Variants in KCTD7 observed in about 807,000 individuals in gnomAD.
KCTD7 encodes BTB/POZ domain-containing protein KCTD7.
Under a neutral mutation model 27.0 loss-of-function variants are expected in KCTD7, and 15 were observed. The observed-to-expected ratio is 0.56, with a 90% confidence interval of 0.37 to 0.86. The LOEUF (loss-of-function observed/expected upper bound fraction) is 0.86, where lower values mean the gene tolerates loss of function less well. KCTD7 is among the 40% of genes least tolerant of loss of function. The pLI, the probability that KCTD7 is intolerant of heterozygous loss-of-function variation, is 0.00. For missense variants in KCTD7, 299 were observed against 398.9 expected (o/e 0.75, Z 2.13); for synonymous variants, 159 against 162.7 (o/e 0.98, Z 0.17).
Position 66,640,332 on chromosome 7 carries a change from C to T in KCTD7, c.*1100C>T, listed in dbSNP as rs1786686824. ...TCCTCTATTTTTGTTTTACTCACTT[C>T]TTTATATTTTGTTTTACTCCTCACT... On this transcript the variant is annotated 3_prime_UTR_variant, in exon 4 of 4. Transcript: ENST00000639828. The T allele has an allele frequency of 3.9e-6, 6 of 1,535,752 alleles. No individual in the cohort carries two copies. In the East Asian group the frequency reaches 9.8e-5, roughly 25 times the overall value.
In KCTD7 at chr7:66,639,438, C is replaced by T; in HGVS notation, c.*206C>T. The T allele has an allele frequency of 6.8e-7, 1 of 1,462,620 alleles. No individual in the cohort carries two copies. Among genetic ancestry groups the T allele is most frequent in the Non-Finnish European group, 9.0e-7 (1 of 1,108,778 alleles). The allele number at this position is 1,462,620 out of a possible 1,614,324, so 90.6% of individuals were successfully genotyped here. A position where few individuals can be genotyped will look rare whatever the true frequency, so the allele number is the denominator to read the frequency against. On this transcript the variant is annotated 3_prime_UTR_variant, in exon 4 of 4. Coordinates refer to ENST00000639828, the MANE Select transcript of KCTD7 (RefSeq NM_153033.5). ...GGTTGGGCTCAGGGCTTGCGGCCTG[C>T]AGGCACTCCAGCCAGCGCTCACCTG...
Position 66,628,999 on chromosome 7 carries a change from T to G in KCTD7, c.-66T>G. 6.9e-7 allele frequency: 1 copy of G among 1,441,786 alleles called. No individual in the cohort carries two copies. Among genetic ancestry groups the G allele is most frequent in the Non-Finnish European group, 9.2e-7 (1 of 1,084,746 alleles). 89.3% of individuals were successfully genotyped at this position (1,441,786 alleles called of 1,614,324 possible). A position where few individuals can be genotyped will look rare whatever the true frequency, so the allele number is the denominator to read the frequency against. ...CGTCATGCCAGGCGCTGCTCGGCGG[T>G]AGGGAGTGCCCGGGGCCGCCGCCTC... On this transcript the variant is annotated 5_prime_UTR_variant, in exon 1 of 4. It removes the in-frame stop codon of an upstream open reading frame in the 5' UTR. Coordinates refer to ENST00000639828, the MANE Select transcript of KCTD7 (RefSeq NM_153033.5).
Position 66,639,661 on chromosome 7 carries a change from G to GC in KCTD7, c.*429_*430insC. 7.7e-7 allele frequency: 1 copy of GC among 1,301,118 alleles called. No homozygotes were observed. Among genetic ancestry groups the GC allele is most frequent in the South Asian group, 2.4e-5 (1 of 42,198 alleles). 80.6% of individuals were successfully genotyped at this position (1,301,118 alleles called of 1,614,324 possible). On this transcript the variant is annotated 3_prime_UTR_variant, in exon 4 of 4. Transcript: ENST00000639828. ...TCCCTCCCTTGTGCTCAGTATATTG[G>GC]TGTGAACACGGAACATGATGGGGGA...
intron 1 of KCTD7, among the ~76,000 whole-genome samples, chr7:66,629,689 A>G (rs975206263): frequency 1.3e-5 from 2 of 152,256 alleles, no homozygotes; most frequent in Admixed American, 6.5e-5. Flanking sequence ...TGGAAAAACA[A>G]AGGCATTTTG....
chr7:66,631,978 G>A (rs550919879), intron 1 of KCTD7, among the ~76,000 whole-genome samples: 148 of 152,262 alleles, frequency 9.7e-4, no homozygotes, highest in Middle Eastern at 3.4e-3. Flanking sequence ...ATTGACAGAG[G>A]GAAATAATTG....
chr7:66,631,439 C>T (rs951082821), intron 1 of KCTD7, among the ~76,000 whole-genome samples: 1 of 151,950 alleles, frequency 6.6e-6, no homozygotes, highest in Non-Finnish European at 1.5e-5. Context: ...TGTGGCCATG[C>T]CCACCTGTAG....
Position 66,639,961 on chromosome 7 carries a change from G to A in KCTD7, c.*729G>A, listed in dbSNP as rs1786676928. 2 of 1,250,064 alleles carry A rather than the reference G, an allele frequency of 1.6e-6. No individual in the cohort carries two copies. The highest frequency in any genetic ancestry group is 1.0e-6 in the Non-Finnish European group (1 of 999,618). 77.4% of individuals were successfully genotyped at this position (1,250,064 alleles called of 1,614,324 possible). A position where few individuals can be genotyped will look rare whatever the true frequency, so the allele number is the denominator to read the frequency against. The stretch of plus-strand genomic sequence containing the variant: ...CTTCCACCACCTTCCTTGCTTGCAG[G>A]GTTATCTTCTCACAGGGCTGGAATG... On this transcript the variant is annotated 3_prime_UTR_variant, in exon 4 of 4. Transcript: ENST00000639828.
rs1285583071 is a variant in KCTD7, at chr7:66,642,686, T to C, written c.*3454T>C. ...TGCTGGGGCTCTTGCGTGAAGGTGGTACCTGTCTCATGATCCTTAAAAGAG... is the reference window on the plus strand; with the variant it reads ...TGCTGGGGCTCTTGCGTGAAGGTGGCACCTGTCTCATGATCCTTAAAAGAG... On this transcript the variant is annotated 3_prime_UTR_variant, in exon 4 of 4. Coordinates refer to ENST00000639828, the MANE Select transcript of KCTD7 (RefSeq NM_153033.5). The C allele has an allele frequency of 1.0e-6, 1 of 985,334 alleles. No individual in the cohort carries two copies. Among genetic ancestry groups the C allele is most frequent in the East Asian group, 1.1e-4 (1 of 8,828 alleles). 61.0% of individuals were successfully genotyped at this position (985,334 alleles called of 1,614,324 possible). A position where few individuals can be genotyped will look rare whatever the true frequency, so the allele number is the denominator to read the frequency against.
intron 2 of KCTD7, among the ~76,000 whole-genome samples, chr7:66,637,809 A>T (rs959565614): frequency 1.3e-5 from 2 of 152,158 alleles, no homozygotes; most frequent in Non-Finnish European, 2.9e-5. Flanking sequence ...TTGGATGGGT[A>T]TATTCATACT....
rs1231000484 is a variant in KCTD7, at chr7:66,640,123, C to G, written c.*891C>G. ...TGGCTGCTATCTCATGTGTTAGAATCCAGTTTGTGGTGAACCTCTTTGGAA... is the reference window on the plus strand; with the variant it reads ...TGGCTGCTATCTCATGTGTTAGAATGCAGTTTGTGGTGAACCTCTTTGGAA... On this transcript the variant is annotated 3_prime_UTR_variant, in exon 4 of 4. Transcript: ENST00000639828. The G allele has an allele frequency of 9.0e-6, 12 of 1,337,834 alleles. No homozygotes were observed. Among genetic ancestry groups the G allele is most frequent in the Admixed American group, 3.6e-5 (1 of 27,850 alleles). The allele number at this position is 1,337,834 out of a possible 1,614,324, so 82.9% of individuals were successfully genotyped here.
intron 2 of KCTD7, 78 bp downstream of exon 2, chr7:66,633,522 C>T: frequency 1.5e-6 from 2 of 1,295,306 alleles, no homozygotes; most frequent in Non-Finnish European, 2.2e-6. Flanking sequence ...ACCTTGATAT[C>T]TTCCATAGTA....
At chr7:66,633,545 G>T in intron 2 of KCTD7, 101 bp downstream of exon 2, 1 of 1,093,932 alleles carries the variant, frequency 9.1e-7, no homozygotes. Context: ...TAGAAGAGGA[G>T]ATAGCATATT....
In KCTD7 at chr7:66,639,709, A is replaced by G; in HGVS notation, c.*477A>G. 8.0e-7 allele frequency: 1 copy of G among 1,249,366 alleles called. No homozygotes were observed. Among genetic ancestry groups the G allele is most frequent in the Non-Finnish European group, 1.0e-6 (1 of 997,500 alleles). 77.4% of individuals were successfully genotyped at this position (1,249,366 alleles called of 1,614,324 possible). A position where few individuals can be genotyped will look rare whatever the true frequency, so the allele number is the denominator to read the frequency against. On this transcript the variant is annotated 3_prime_UTR_variant, in exon 4 of 4. Transcript: ENST00000639828. ...GGATTTACCTGACCAGCCACCCCAT[A>G]GCCCCTGGCTGAAGAAGAAAGAGCA... is the stretch of plus-strand genomic sequence containing the variant.
chr7:66,632,899 T>C (rs919260366), intron 1 of KCTD7, among the ~76,000 whole-genome samples: 89 of 150,956 alleles, frequency 5.9e-4, no homozygotes, highest in African/African-American at 2.1e-3. Context: ...TATATATATA[T>C]ACAAAAAATT....
chr7:66,633,594 T>TATA (rs200176641), intron 2 of KCTD7, 150 bp downstream of exon 2: 1 of 157,784 alleles, frequency 6.3e-6, no homozygotes, highest in Non-Finnish European at 1.2e-5. Flanking sequence ...AAGAGATCAA[T>TATA]TTTTTTTTTT....
chr7:66,640,674 C>A lies in KCTD7; in HGVS notation c.*1442C>A. The A allele has an allele frequency of 7.7e-7, 1 of 1,297,040 alleles. No individual in the cohort carries two copies. The highest frequency in any genetic ancestry group is 9.8e-7 in the Non-Finnish European group (1 of 1,020,428). The allele number at this position is 1,297,040 out of a possible 1,614,324, so 80.3% of individuals were successfully genotyped here. A position where few individuals can be genotyped will look rare whatever the true frequency, so the allele number is the denominator to read the frequency against. On this transcript the variant is annotated 3_prime_UTR_variant, in exon 4 of 4. Coordinates refer to ENST00000639828, the MANE Select transcript of KCTD7 (RefSeq NM_153033.5). ...CTGTAGTCCCAGCTACTTGGGCACA[C>A]GCCTGTAGTCCAGGCCACTCGAGCA...
In KCTD7 at chr7:66,641,497, T is replaced by C; in HGVS notation, c.*2265T>C. On this transcript the variant is annotated 3_prime_UTR_variant, in exon 4 of 4. Coordinates refer to ENST00000639828, the MANE Select transcript of KCTD7 (RefSeq NM_153033.5). The stretch of plus-strand genomic sequence containing the variant: ...CTTGTTTGCTCAAATGCAAGTTTGC[T>C]CAAAAACAGGTCCTGAAGGCTTGCT... The C allele has an allele frequency of 2.0e-6, 2 of 985,394 alleles. No homozygotes were observed. Among genetic ancestry groups the C allele is most frequent in the South Asian group, 9.4e-5 (2 of 21,280 alleles). 61.0% of individuals were successfully genotyped at this position (985,394 alleles called of 1,614,324 possible).
chr7:66,639,965 ATCT>A lies in KCTD7; in HGVS notation c.*737_*739del. 8.0e-7 allele frequency: 1 copy of A among 1,250,566 alleles called. No individual in the cohort carries two copies. The highest frequency in any genetic ancestry group is 1.0e-6 in the Non-Finnish European group (1 of 999,886). 77.5% of individuals were successfully genotyped at this position (1,250,566 alleles called of 1,614,324 possible). On this transcript the variant is annotated 3_prime_UTR_variant, in exon 4 of 4. Transcript: ENST00000639828. ...CACCACCTTCCTTGCTTGCAGGGTT[ATCT>A]TCTCACAGGGCTGGAATGCAAATTT...
At chr7:66,630,529 C>T (rs866028891) in intron 1 of KCTD7, among the ~76,000 whole-genome samples, 16 of 152,274 alleles carry the variant, frequency 1.1e-4, no homozygotes, top group Admixed American at 3.3e-4. Context: ...ATGTGGTATG[C>T]GGAGTCCCAG....
Sources: gnomAD v4.1 joint callset for allele counts (sites outside exome capture counted in the v4.1 genomes callset) on GRCh38, gnomAD v4.1.1 for gene constraint, MANE v1.5 for transcripts, NCBI Gene and HGNC (gene_info 2026-07-23, HGNC 2026-07-21) for gene names.